CDC25C: variants seen among roughly 807,000 people sequenced by gnomAD.
CDC25C encodes the protein cell division cycle 25C, also known as M-phase inducer phosphatase 3.
CDC25C carries 48 observed loss-of-function variants against 52.5 expected under a neutral mutation model. The ratio of observed to expected loss-of-function variants is 0.91; its 90% CI spans 0.72 to 1.16. CDC25C has a LOEUF of 1.16. CDC25C is among the 50% of genes most tolerant of loss of function. CDC25C has a pLI of 0.00. For synonymous variants in CDC25C, 187 were observed against 206.5 expected, an observed-to-expected ratio of 0.91 and a Z score of 0.81; for missense variants, 510 against 566.1, an observed-to-expected ratio of 0.90 and a Z score of 1.01.
At position 138,319,396 on chromosome 5, in the gene CDC25C, T is replaced by A. The variant is rs780894742; in HGVS notation, c.460-22A>T. 7 of 1,569,256 alleles carry A rather than the reference T, an allele frequency of 4.5e-6. No individual in the cohort carries two copies. The African/African-American group carries it at 6.8e-5, about 15-fold the overall frequency. On this transcript the variant is annotated intron_variant, in intron 6 of 13. Coordinates refer to ENST00000323760, the MANE Select transcript of CDC25C (RefSeq NM_001790.5). ...TGTCCTGTCAAGTATATTGACAACA[T>A]TAAAAACTATTCAAAATATATCAAA...
At chr5:138,302,768 C>G (rs1757729365) in intron 7 of CDC25C, among the ~76,000 whole-genome samples, 3 of 150,374 alleles carry the variant, frequency 2.0e-5, no homozygotes, top group Admixed American at 2.0e-4. Context: ...TCAATAGATA[C>G]AGAGAAAAGG....
chr5:138,330,759 T>C (rs1431748465), intron 2 of CDC25C, among the ~76,000 whole-genome samples: 1 of 152,230 alleles, frequency 6.6e-6, no homozygotes. Context: ...TCCGCCCTCC[T>C]TGGCCTCCCA....
chr5:138,292,682 C>T (rs1204573708), intron 7 of CDC25C, among the ~76,000 whole-genome samples: 1 of 151,992 alleles, frequency 6.6e-6, no homozygotes, highest in Non-Finnish European at 1.5e-5. Flanking sequence ...CTATGAAACC[C>T]ATCAGGGAAA....
At chr5:138,320,215 G>A (rs1759250129) in intron 6 of CDC25C, among the ~76,000 whole-genome samples, 1 of 152,076 alleles carries the variant, frequency 6.6e-6, no homozygotes, top group Non-Finnish European at 1.5e-5. Flanking sequence ...TGAGGCAGGA[G>A]AACTGCTTGA....
At chr5:138,324,479 G>A (rs968520035) in intron 6 of CDC25C, among the ~76,000 whole-genome samples, 5 of 151,830 alleles carry the variant, frequency 3.3e-5, no homozygotes, top group African/African-American at 1.2e-4. Context: ...TATTGATGCT[G>A]TCGGGCATGG....
intron 7 of CDC25C, among the ~76,000 whole-genome samples, chr5:138,300,835 G>T (rs908498089): frequency 1.3e-5 from 2 of 151,936 alleles, no homozygotes; most frequent in African/African-American, 2.4e-5. Context: ...TAACAGAAAG[G>T]TCCTCAAATA....
intron 8 of CDC25C, among the ~76,000 whole-genome samples, chr5:138,291,167 T>C (rs1756680233): frequency 1.3e-5 from 2 of 152,070 alleles, no homozygotes; most frequent in African/African-American, 2.4e-5. Flanking sequence ...CATGCTATAT[T>C]GACCAGGCTG....
chr5:138,311,320 C>T (rs1255090015), intron 7 of CDC25C, among the ~76,000 whole-genome samples: 2 of 152,120 alleles, frequency 1.3e-5, no homozygotes, highest in Non-Finnish European at 2.9e-5. Context: ...GGAGCTGAGC[C>T]CAATGGCTCA....
In CDC25C at chr5:138,326,028, C is replaced by CAA; in HGVS notation, c.361_362insTT (p.Cys121PhefsTer44). On this transcript the variant is annotated frameshift_variant, in exon 5 of 14. Transcript: ENST00000323760. LOFTEE classifies it high-confidence loss of function. ...AAAAGAGAGGCTACTCACTGGGCTA[C>CAA]ATTTCATTAGGTGCTGGTCATGATT... 6.2e-7 allele frequency: 1 copy of CAA among 1,614,226 alleles called. No homozygotes were observed. The highest frequency in any genetic ancestry group is 1.1e-5 in the South Asian group (1 of 91,088).
chr5:138,321,460 G>C (rs941304233), intron 6 of CDC25C, among the ~76,000 whole-genome samples: 1 of 151,790 alleles, frequency 6.6e-6, no homozygotes, highest in African/African-American at 2.4e-5. Flanking sequence ...AATAAAACAT[G>C]ATCAACTTAG....
Position 138,291,973 on chromosome 5 carries a change from C to T in CDC25C, c.759G>A (p.Arg253=), listed in dbSNP as rs1756758475. 10 of 1,606,068 alleles carry T rather than the reference C, an allele frequency of 6.2e-6. No homozygotes were observed. Among genetic ancestry groups the T allele is most frequent in the South Asian group, 3.3e-5 (3 of 89,768 alleles). ...KKYFSGQGKL[R]KGLCLKKTVS... ...TTTCATCTTAAAAAGTTCTTACCTT[C>T]CTGAGCTTTCCTTGGCCAGAAAAAT... The change falls in exon 8 of 14, where the codon AGG becomes AGA. Residue 253 remains arginine, a synonymous_variant. Coordinates refer to ENST00000323760, the MANE Select transcript of CDC25C (RefSeq NM_001790.5).
At chr5:138,332,509 C>A (rs1339881631), upstream of CDC25C, among the ~76,000 whole-genome samples, 1 of 152,140 alleles carries the variant, frequency 6.6e-6, no homozygotes, top group African/African-American at 2.4e-5. Context: ...TAATCCTTAT[C>A]GCAATCCAGA....
intron 9 of CDC25C, 107 bp downstream of exon 9, chr5:138,290,532 G>C (rs1473422378): frequency 8.7e-6 from 6 of 691,172 alleles, no homozygotes; most frequent in Non-Finnish European, 1.6e-5. Flanking sequence ...GGTTACCAAA[G>C]AGTACTTGGT....
intron 7 of CDC25C, among the ~76,000 whole-genome samples, chr5:138,301,705 A>ACT (rs1554115426): frequency 8.8e-6 from 1 of 114,174 alleles, no homozygotes; most frequent in African/African-American, 3.3e-5. Flanking sequence ...AAAAAAAAAA[A>ACT]TTTTTTTTTT....
Position 138,289,573 on chromosome 5 carries a change from C to G in CDC25C, c.865-10G>C, listed in dbSNP as rs1756539387. Reference sequence around the variant, plus strand: ...TTGGCAGCGCACATACCTAGAAATACACAAGAGCTGAAATAACAGCAAGTA... The same window carrying G: ...TTGGCAGCGCACATACCTAGAAATAGACAAGAGCTGAAATAACAGCAAGTA... On this transcript the variant is annotated splice_polypyrimidine_tract_variant and intron_variant, in intron 9 of 13. Transcript: ENST00000323760. The G allele has an allele frequency of 3.7e-6, 6 of 1,609,804 alleles. No individual in the cohort carries two copies. The highest frequency in any genetic ancestry group is 4.3e-6 in the Non-Finnish European group (5 of 1,176,088).
Position 138,331,581 on chromosome 5 carries a change from G to T in CDC25C, c.-39+14C>A. 1.3e-5 allele frequency: 14 copies of T among 1,037,692 alleles called. No individual in the cohort carries two copies. Among genetic ancestry groups the T allele is most frequent in the Non-Finnish European group, 1.6e-5 (14 of 860,942 alleles). 64.3% of individuals were successfully genotyped at this position (1,037,692 alleles called of 1,614,324 possible). A position where few individuals can be genotyped will look rare whatever the true frequency, so the allele number is the denominator to read the frequency against. On this transcript the variant is annotated intron_variant, in intron 1 of 13. Transcript: ENST00000323760. ...GTCTCCGTGATTCCGTGGCGGAGAC[G>T]GCTGCGGACTTACCTCAAGCCTGGA...
At chr5:138,331,823 T>G, upstream of CDC25C, 1 of 971,356 alleles carries the variant, frequency 1.0e-6, no homozygotes, top group Non-Finnish European at 1.2e-6. Flanking sequence ...CCGCAGGCGT[T>G]GACCATTCAA....
In CDC25C at chr5:138,331,131, G is replaced by GGAGGA. The variant is rs1273631335; in HGVS notation, c.49_50insTCCTC (p.Ser17PhefsTer15). 7 of 1,614,018 alleles carry GGAGGA rather than the reference G, an allele frequency of 4.3e-6. No homozygotes were observed. Among genetic ancestry groups the GGAGGA allele is most frequent in the Non-Finnish European group, 5.9e-6 (7 of 1,179,856 alleles). ...TTGATTAGACCTAAAACTGGGTCCT[G>GGAGGA]AGCCAGAGCTTCCTTCCTCTCTTGT... On this transcript the variant is annotated frameshift_variant, in exon 2 of 14. Transcript: ENST00000323760. LOFTEE classifies it high-confidence loss of function.
intron 7 of CDC25C, among the ~76,000 whole-genome samples, chr5:138,297,370 A>G (rs1211982344): frequency 6.6e-6 from 1 of 152,052 alleles, no homozygotes; most frequent in Admixed American, 6.6e-5. Flanking sequence ...CTAGTTCTTT[A>G]TTTCTAGTAC....
Sources: allele counts gnomAD v4.1 joint callset (sites outside exome capture counted in the v4.1 genomes callset), GRCh38; gene constraint gnomAD v4.1.1; transcripts MANE v1.5; gene names NCBI Gene and HGNC (gene_info 2026-07-23, HGNC 2026-07-21).